Variants in CORO2B observed in about 807,000 individuals in gnomAD.
CORO2B encodes coronin 2B.
A neutral mutation model predicts 58.8 loss-of-function variants in CORO2B; 26 were observed. The observed-to-expected ratio is 0.44, with a 90% CI of 0.32 to 0.61. CORO2B has a LOEUF of 0.61. Among genes scored for constraint, CORO2B ranks in the 20% least tolerant of loss-of-function variants. The pLI is 0.04. For synonymous variants in CORO2B, 242 were observed against 253.8 expected (o/e 0.95, Z 0.44); for missense variants, 460 against 645.1 (o/e 0.71, Z 3.11).
At chr15:68,581,725 A>T (rs1177633810) in intron 1 of CORO2B, among the ~76,000 whole-genome samples, 2 of 152,200 alleles carry the variant, frequency 1.3e-5, no homozygotes, top group African/African-American at 4.8e-5. Flanking sequence ...CAAGACAGAT[A>T]TGAAGGAGAA....
chr15:68,680,994 G>A lies in CORO2B; in HGVS notation c.217-14146G>A, dbSNP rs189535049. On this transcript the variant is annotated intron_variant, in intron 2 of 11. Coordinates refer to ENST00000261861, the MANE Select transcript of CORO2B (RefSeq NM_006091.5). ...TTTGGGAGGCTGAGGTAGGCAGATC[G>A]CCTGAGGTCAAGAGTTCTAGACCAG... Among the ~76,000 whole-genome samples, 49 of 152,202 alleles carry A rather than the reference G, an allele frequency of 3.2e-4. No homozygotes were observed. In the East Asian group the frequency reaches 7.6e-3, roughly 23 times the overall value.
intron 3 of CORO2B, among the ~76,000 whole-genome samples, chr15:68,695,554 T>A (rs937317282): frequency 1.3e-5 from 2 of 152,094 alleles, no homozygotes; most frequent in African/African-American, 2.4e-5. Context: ...TTGTCTATGC[T>A]GTCTAAAGAA....
chr15:68,609,696 C>T (rs766853077), intron 1 of CORO2B, among the ~76,000 whole-genome samples: 7 of 152,234 alleles, frequency 4.6e-5, no homozygotes, highest in Non-Finnish European at 1.0e-4. Flanking sequence ...ATTCTTCTTC[C>T]AGGACATCCT....
At chr15:68,688,632 A>G (rs1251825586) in intron 2 of CORO2B, among the ~76,000 whole-genome samples, 2 of 152,214 alleles carry the variant, frequency 1.3e-5, no homozygotes, top group African/African-American at 2.4e-5. Flanking sequence ...AGCAATGCTC[A>G]TGCCACTAAA....
chr15:68,717,189 C>T (rs1174213897), intron 8 of CORO2B, among the ~76,000 whole-genome samples: 2 of 151,968 alleles, frequency 1.3e-5, no homozygotes, highest in Non-Finnish European at 2.9e-5. Context: ...TGATACACCC[C>T]TGTAATCCCA....
chr15:68,670,933 T>C (rs1303544932), intron 2 of CORO2B, among the ~76,000 whole-genome samples: 2 of 152,356 alleles, frequency 1.3e-5, no homozygotes, highest in East Asian at 1.9e-4. Flanking sequence ...TGCAGATCTA[T>C]TACCTAGCAT....
At chr15:68,548,910 G>T in the CORO2B span, among the ~76,000 whole-genome samples, 1 of 149,108 alleles carries the variant, frequency 6.7e-6, no homozygotes, top group African/African-American at 2.6e-5. Context: ...TCGATTGACA[G>T]GAGTTCTTTA....
At chr15:68,651,587 G>T (rs566346232) in intron 2 of CORO2B, among the ~76,000 whole-genome samples, 8 of 152,288 alleles carry the variant, frequency 5.3e-5, no homozygotes, top group African/African-American at 1.9e-4. Flanking sequence ...ATTAATTCAT[G>T]GTGGGACAGT....
intron 1 of CORO2B, among the ~76,000 whole-genome samples, chr15:68,602,624 G>A (rs2140240162): frequency 6.6e-6 from 1 of 152,312 alleles, no homozygotes; most frequent in South Asian, 2.1e-4. Flanking sequence ...AGCCTGGCTG[G>A]TGGGAGCCCC....
Position 68,718,697 on chromosome 15 carries a change from G to C in CORO2B, c.968-1G>C. The C allele has an allele frequency of 6.2e-7, 1 of 1,613,666 alleles. No homozygotes were observed. The highest frequency in any genetic ancestry group is 8.5e-7 in the Non-Finnish European group (1 of 1,179,664). On this transcript the variant is annotated splice_acceptor_variant, in intron 8 of 11. Coordinates refer to ENST00000261861, the MANE Select transcript of CORO2B (RefSeq NM_006091.5). LOFTEE classifies it high-confidence loss of function. ...TGGAGCCACATGTGTGCCTGTTACA[G>C]GGGTCATGCCCAAGCACGGGCTGGA...
the CORO2B span, among the ~76,000 whole-genome samples, chr15:68,573,952 G>T: frequency 6.6e-6 from 1 of 152,160 alleles, no homozygotes; most frequent in Admixed American, 6.5e-5. Flanking sequence ...CTGAAGAAGG[G>T]TCAGCTAGGT....
At chr15:68,642,804 C>T (rs973730253) in intron 1 of CORO2B, among the ~76,000 whole-genome samples, 1 of 152,078 alleles carries the variant, frequency 6.6e-6, no homozygotes, top group Non-Finnish European at 1.5e-5. Context: ...CAGAGTGAGT[C>T]AGGCCTTAAA....
chr15:68,645,347 T>TCCCCCTGG lies in CORO2B; in HGVS notation c.204_211dup (p.Glu71AlafsTer55). 6.2e-7 allele frequency: 1 copy of TCCCCCTGG among 1,610,672 alleles called. No individual in the cohort carries two copies. The highest frequency in any genetic ancestry group is 8.5e-7 in the Non-Finnish European group (1 of 1,179,816). ...GCAGGGGGCGGCTCCTTCCTCGTCATCCCCCTGGAGCAGGTAGGTGGCCCC... is the reference window on the plus strand; with the variant it reads ...GCAGGGGGCGGCTCCTTCCTCGTCATCCCCCTGGCCCCCTGGAGCAGGTAGGTGGCCCC... On this transcript the variant is annotated frameshift_variant, in exon 2 of 12. Coordinates refer to ENST00000261861, the MANE Select transcript of CORO2B (RefSeq NM_006091.5). LOFTEE classifies it high-confidence loss of function. This position sits in a 1 kb window ranked among gnomAD's most constrained non-coding sequence, Gnocchi z 4.5.
chr15:68,686,023 TTTTTTTTTTTTTTTC>T (rs1266444372), intron 2 of CORO2B, among the ~76,000 whole-genome samples: 2 of 12,186 alleles, frequency 1.6e-4, no homozygotes, highest in Non-Finnish European at 4.0e-3. Flanking sequence ...TACTTCTGTT[TTTTTTTTTTTTTTTC>T]TTTTTTTTTT....
intron 1 of CORO2B, among the ~76,000 whole-genome samples, chr15:68,644,717 C>G (rs1336343365): frequency 6.6e-6 from 1 of 152,164 alleles, no homozygotes; most frequent in Non-Finnish European, 1.5e-5. Flanking sequence ...CCCACTCCTG[C>G]TGTGGGCCCT....
At chr15:68,655,367 C>A (rs1901771742) in intron 2 of CORO2B, among the ~76,000 whole-genome samples, 1 of 152,174 alleles carries the variant, frequency 6.6e-6, no homozygotes, top group Non-Finnish European at 1.5e-5. Flanking sequence ...GCCACACAGT[C>A]CTCACAGTCC....
chr15:68,619,202 T>C (rs1900447761), intron 1 of CORO2B, among the ~76,000 whole-genome samples: 1 of 152,238 alleles, frequency 6.6e-6, no homozygotes, highest in African/African-American at 2.4e-5. Flanking sequence ...CCAATCTGTG[T>C]TACTCTTCCA....
intron 1 of CORO2B, among the ~76,000 whole-genome samples, chr15:68,607,091 G>A (rs1293053737): frequency 6.6e-6 from 1 of 152,122 alleles, no homozygotes; most frequent in Admixed American, 6.5e-5. Context: ...AGGTGGAGGG[G>A]TTAGCAAGGG....
At chr15:68,610,326 C>T (rs1180423792) in intron 1 of CORO2B, among the ~76,000 whole-genome samples, 1 of 152,158 alleles carries the variant, frequency 6.6e-6, no homozygotes, top group Non-Finnish European at 1.5e-5. Flanking sequence ...TGAAGTGCTG[C>T]ACTTGCCTCA....
Sources: gnomAD v4.1 joint callset for allele counts (sites outside exome capture counted in the v4.1 genomes callset) on GRCh38, gnomAD v4.1.1 for gene constraint, Gnocchi (gnomAD v3.1) non-coding constraint, MANE v1.5 for transcripts, NCBI Gene and HGNC (gene_info 2026-07-23, HGNC 2026-07-21) for gene names.